Variants in ART3 observed in about 807,000 individuals in gnomAD.
The protein encoded by ART3 is ecto-ADP-ribosyltransferase 3.
A neutral mutation model predicts 48.5 loss-of-function variants in ART3; 49 were observed. The observed-to-expected ratio is 1.01, with a 90% CI of 0.80 to 1.28. The LOEUF (loss-of-function observed/expected upper bound fraction) is 1.28, where lower values mean the gene tolerates loss of function less well. Ranked by LOEUF, ART3 falls within the 50% of genes most tolerant of loss-of-function variation. ART3 has a pLI of 0.00. For synonymous variants in ART3, 145 were observed against 157.2 expected (o/e 0.92, Z 0.58); for missense variants, 438 against 454.3 (o/e 0.96, Z 0.33).
intron 1 of ART3, among the ~76,000 whole-genome samples, chr4:76,041,765 G>T (rs988234792): frequency 3.3e-5 from 5 of 152,150 alleles, no homozygotes; most frequent in African/African-American, 1.2e-4. Flanking sequence ...GACAGTGAAG[G>T]TCTAGTTATT....
At chr4:76,011,609 TG>T (rs1178890208) in intron 1 of ART3, among the ~76,000 whole-genome samples, 1 of 152,144 alleles carries the variant, frequency 6.6e-6, no homozygotes, top group East Asian at 1.9e-4. Flanking sequence ...TGGGGTCAGT[TG>T]GGAGTCACTG....
intron 3 of ART3, among the ~76,000 whole-genome samples, chr4:76,097,207 A>G (rs542576231): frequency 1.1e-4 from 16 of 152,106 alleles, no homozygotes; most frequent in South Asian, 4.1e-4. Context: ...TTGTTCTGCA[A>G]TTTTTTTAAA....
At chr4:76,079,086 A>T (rs4859420) in intron 2 of ART3, among the ~76,000 whole-genome samples, 1 of 150,476 alleles carries the variant, frequency 6.6e-6, no homozygotes, top group Non-Finnish European at 1.5e-5. Context: ...GTCTAAAAAA[A>T]AAAAAAAGGA....
At chr4:76,109,381 G>A (rs1729054199) in intron 11 of ART3, among the ~76,000 whole-genome samples, 1 of 151,874 alleles carries the variant, frequency 6.6e-6, no homozygotes, top group East Asian at 1.9e-4. Flanking sequence ...AGGTCTTCAG[G>A]GGTAGTAACG....
chr4:76,112,317 A>G (rs1729646509), intron 11 of ART3, 69 bp from the exon 12 acceptor site: 2 of 1,523,728 alleles, frequency 1.3e-6, no homozygotes, highest in African/African-American at 1.4e-5. Flanking sequence ...TATTCAGGAT[A>G]TATTTTATAG....
intron 10 of ART3, chr4:76,106,306 A>G: frequency 1.0e-6 from 1 of 985,436 alleles, no homozygotes. Context: ...TAATATTTCT[A>G]TGCTAGGCAC....
chr4:76,104,359 A>C, intron 9 of ART3: 1 of 985,414 alleles, frequency 1.0e-6, no homozygotes. Context: ...GTAACAAAAC[A>C]CGATATTCTC....
chr4:76,080,643 T>G (rs985729746), intron 2 of ART3, among the ~76,000 whole-genome samples: 2 of 152,160 alleles, frequency 1.3e-5, no homozygotes, highest in African/African-American at 4.8e-5. Context: ...CCTAAGTAGC[T>G]GGGATTACAG....
chr4:76,087,560 AAG>A (rs1723879815), intron 3 of ART3, among the ~76,000 whole-genome samples: 1 of 152,204 alleles, frequency 6.6e-6, no homozygotes, highest in Non-Finnish European at 1.5e-5. Context: ...ATGTTTCTAA[AAG>A]GGGTAAAAAA....
Position 76,098,944 on chromosome 4 carries a change from C to T in ART3, c.815-11C>T. On this transcript the variant is annotated splice_polypyrimidine_tract_variant and intron_variant, in intron 4 of 11. Coordinates refer to ENST00000355810, the MANE Select transcript of ART3 (RefSeq NM_001130016.3). ...ATAGTACCATGTAATGAAAACATGT[C>T]TGTATTTCAGAATATTTTCAACCCA... 6.2e-7 allele frequency: 1 copy of T among 1,600,326 alleles called. No individual in the cohort carries two copies. The highest frequency in any genetic ancestry group is 8.6e-7 in the Non-Finnish European group (1 of 1,167,602).
At chr4:76,036,563 T>A (rs1320769322) in intron 1 of ART3, among the ~76,000 whole-genome samples, 2 of 152,158 alleles carry the variant, frequency 1.3e-5, no homozygotes, top group Non-Finnish European at 2.9e-5. Flanking sequence ...TGTAAATGAG[T>A]GCCTAAAGAA....
chr4:76,031,127 T>G (rs6852075), intron 1 of ART3, among the ~76,000 whole-genome samples: 92,594 of 151,664 alleles, frequency 0.61, 29,317 homozygotes, highest in East Asian at 0.94. Context: ...ATAATAACGT[T>G]TAGTATCAGT....
chr4:76,095,077 T>C (rs1238566108), intron 3 of ART3, among the ~76,000 whole-genome samples: 1 of 152,228 alleles, frequency 6.6e-6, no homozygotes, highest in Non-Finnish European at 1.5e-5. Flanking sequence ...ACCAATTCTC[T>C]TATCCATTTT....
intron 3 of ART3, among the ~76,000 whole-genome samples, chr4:76,090,021 A>G (rs537459933): frequency 6.6e-6 from 1 of 152,306 alleles, no homozygotes; most frequent in East Asian, 1.9e-4. Flanking sequence ...CAGAGGTTGC[A>G]GTGAGCTGAG....
rs1482200922 is a variant in ART3, at chr4:76,049,579, T to C, written c.-9-26302T>C. Among the ~76,000 whole-genome samples the C allele has an allele frequency of 2.6e-5, 4 of 152,040 alleles. No individual in the cohort carries two copies. The South Asian group carries it at 8.3e-4, about 32-fold the overall frequency. On this transcript the variant is annotated intron_variant, in intron 1 of 9. Transcript: ENST00000341029. ...TCCCAGACAGCCTGACACCCATGTC[T>C]TTAGTCCGGCAGCCTCACTAGTCTC... is the stretch of plus-strand genomic sequence containing the variant.
chr4:76,103,852 A>C, intron 8 of ART3, 85 bp from the exon 9 acceptor site: 1 of 1,085,546 alleles, frequency 9.2e-7, no homozygotes, highest in Non-Finnish European at 1.3e-6. Flanking sequence ...TGAAAGTTGG[A>C]AATGGAGGAA....
chr4:76,106,696 C>A (rs1049272347), intron 10 of ART3, among the ~76,000 whole-genome samples: 3 of 152,310 alleles, frequency 2.0e-5, no homozygotes. Flanking sequence ...CTGGGGCCCA[C>A]TGTATGAGGG....
At chr4:76,093,414 A>G (rs1335795496) in intron 3 of ART3, among the ~76,000 whole-genome samples, 1 of 152,156 alleles carries the variant, frequency 6.6e-6, no homozygotes, top group African/African-American at 2.4e-5. Flanking sequence ...TAAGTGACAG[A>G]GGGAGACCCT....
intron 3 of ART3, among the ~76,000 whole-genome samples, chr4:76,084,021 T>C (rs1463045531): frequency 6.6e-6 from 1 of 152,200 alleles, no homozygotes; most frequent in African/African-American, 2.4e-5. Flanking sequence ...TAAATCCCTC[T>C]TTTACCCCAG....
Sources: allele counts gnomAD v4.1 joint callset (sites outside exome capture counted in the v4.1 genomes callset), GRCh38; gene constraint gnomAD v4.1.1; transcripts MANE v1.5; gene names NCBI Gene and HGNC (gene_info 2026-07-23, HGNC 2026-07-21).